MPIG6B: variants seen among roughly 807,000 people sequenced by gnomAD.
MPIG6B encodes the protein immunoglobulin receptor.
In MPIG6B, 22 loss-of-function variants were observed where a neutral mutation model predicts 24.2. The ratio of observed to expected loss-of-function variants is 0.91; its 90% CI spans 0.65 to 1.30. MPIG6B has a LOEUF of 1.30. Ranked by LOEUF, MPIG6B falls within the 50% of genes most tolerant of loss-of-function variation. The pLI is 0.00. For missense variants in MPIG6B, 301 were observed against 318.5 expected, an observed-to-expected ratio of 0.94 and a Z score of 0.42; for synonymous variants, 136 against 142.0, an observed-to-expected ratio of 0.96 and a Z score of 0.30.
chr6:31,724,426 T>G, intron 3 of MPIG6B, 161 bp from the exon 4 acceptor site: 2 of 776,656 alleles, frequency 2.6e-6, no homozygotes, highest in South Asian at 1.6e-5. Flanking sequence ...GAGCTGGAAG[T>G]GCAGCAGAGT....
intron 5 of MPIG6B, 42 bp from the exon 6 acceptor site, chr6:31,724,928 G>T (rs1384233146): frequency 2.8e-5 from 45 of 1,609,520 alleles, no homozygotes; most frequent in Non-Finnish European, 3.7e-5. Flanking sequence ...CCCCAAGGAA[G>T]ACTGTGGAGA....
intron 3 of MPIG6B, 23 bp downstream of exon 3, chr6:31,724,255 C>T (rs918712064): frequency 1.9e-6 from 3 of 1,584,370 alleles, no homozygotes; most frequent in Admixed American, 1.7e-5. Context: ...GACCCGGCCT[C>T]GTTAAATGGG....
At position 31,724,141 on chromosome 6, in the gene MPIG6B, G is replaced by A. The variant is rs753377838; in HGVS notation, c.410-1G>A. Reference sequence around the variant, plus strand: ...CCCTCCCCGCCACGCCTTTCCCCCAGGGTCCGTGTATCCCCAGCTCCTGAT... The same window carrying A: ...CCCTCCCCGCCACGCCTTTCCCCCAAGGTCCGTGTATCCCCAGCTCCTGAT... On this transcript the variant is annotated splice_acceptor_variant, in intron 2 of 5. Coordinates refer to ENST00000649779, the MANE Select transcript of MPIG6B (RefSeq NM_138272.3). LOFTEE classifies it high-confidence loss of function. 6.2e-6 allele frequency: 10 copies of A among 1,612,584 alleles called. No individual in the cohort carries two copies. The highest frequency in any genetic ancestry group is 8.5e-6 in the Non-Finnish European group (10 of 1,179,602).
chr6:31,723,482 G>T lies in MPIG6B; in HGVS notation c.61+38G>T. 6.3e-7 allele frequency: 1 copy of T among 1,592,488 alleles called. No individual in the cohort carries two copies. The highest frequency in any genetic ancestry group is 1.1e-5 in the South Asian group (1 of 90,552). On this transcript the variant is annotated intron_variant, in intron 1 of 5. Coordinates refer to ENST00000649779, the MANE Select transcript of MPIG6B (RefSeq NM_138272.3). This position sits in a 1 kb window ranked among gnomAD's most constrained non-coding sequence, Gnocchi z 4.3. ...TGGGAGAGTTGTGATAGACGCAGAG[G>T]GGCTGAAGCAAGATAAGGGCCGCCT...
At chr6:31,721,783 A>C, upstream of MPIG6B, 1 of 1,194,418 alleles carries the variant, frequency 8.4e-7, no homozygotes, top group Admixed American at 2.0e-5. Flanking sequence ...TATAAACCCA[A>C]AGGCTCCTCC....
upstream of MPIG6B, among the ~76,000 whole-genome samples, chr6:31,722,462 T>C (rs894442381): frequency 2.6e-5 from 4 of 152,050 alleles, no homozygotes; most frequent in Admixed American, 1.3e-4. Flanking sequence ...GTGCACCTGC[T>C]CCAAAGCACC....
rs150417881 is a variant in MPIG6B at position 31,724,618 on chromosome 6, C to T, written c.532C>T (p.Pro178Ser). 4,958 of 1,613,824 alleles carry T rather than the reference C, an allele frequency of 3.1e-3. 47 individuals carry two copies. Among genetic ancestry groups the T allele is most frequent in the South Asian group, 0.016 (1,466 of 91,076 alleles). ...RLPPQPIRPL[P>S]RFAPLVKTEP... ...GCCCCCGCAACCGATTCGACCACTC[C>T]CTAGATTTGGTGAGACTAATTCCAC... Residue 178 changes from proline to serine, a missense_variant, in exon 4 of 6, where the codon CCT (proline) becomes TCT (serine). Pro to Ser is a moderately conservative substitution (Grantham distance 74). Transcript: ENST00000649779.
Position 31,723,912 on chromosome 6 carries a change from A to G in MPIG6B, c.335A>G (p.His112Arg). ...GGCACTTTTTTCTGCAAGGGCCGCC[A>G]CGAGGACGAGAGCCGTACAGTGCTT... is the stretch of plus-strand genomic sequence containing the variant. ...DSGTFFCKGRHEDESRTVLHV... is the reference protein window; with the variant it reads ...DSGTFFCKGRREDESRTVLHV... Residue 112 changes from histidine to arginine, a missense_variant, in exon 2 of 6, where the codon CAC (histidine) becomes CGC (arginine). His to Arg is a conservative substitution (Grantham distance 29). Coordinates refer to ENST00000649779, the MANE Select transcript of MPIG6B (RefSeq NM_138272.3). This position sits in a 1 kb window ranked among gnomAD's most constrained non-coding sequence, Gnocchi z 4.3. The G allele has an allele frequency of 6.3e-7, 1 of 1,597,878 alleles. No homozygotes were observed. Among genetic ancestry groups the G allele is most frequent in the Non-Finnish European group, 8.5e-7 (1 of 1,171,850 alleles).
Position 31,724,630 on chromosome 6 carries a change from G to A in MPIG6B, c.541+3G>A. 1 of 1,613,552 alleles carries A rather than the reference G, an allele frequency of 6.2e-7. No homozygotes were observed. Among genetic ancestry groups the A allele is most frequent in the Non-Finnish European group, 8.5e-7 (1 of 1,179,468 alleles). On this transcript the variant is annotated splice_donor_region_variant and intron_variant, in intron 4 of 5. Transcript: ENST00000649779. ...GATTCGACCACTCCCTAGATTTGGT[G>A]AGACTAATTCCACCCCATTTTCTTT...
chr6:31,723,786 G>A lies in MPIG6B; in HGVS notation c.209G>A (p.Gly70Glu). Residue 70 changes from glycine to glutamate, a missense_variant, in exon 2 of 6, where the codon GGG becomes GAG. By Grantham distance (98) the Gly-to-Glu change is moderately conservative. Coordinates refer to ENST00000649779, the MANE Select transcript of MPIG6B (RefSeq NM_138272.3). The surrounding 1 kb of genome is among the most constrained non-coding windows in gnomAD (Gnocchi z 4.3). ...CCGATCCTGTGGGCCTCTTCGAGCG[G>A]GACCCCCACCGTGCCTCCCCTCCAG... The part of the protein sequence containing the change: ...RRPILWASSS[G>E]TPTVPPLQPF... 6.2e-7 allele frequency: 1 copy of A among 1,613,926 alleles called. No homozygotes were observed. Among genetic ancestry groups the A allele is most frequent in the Non-Finnish European group, 8.5e-7 (1 of 1,179,962 alleles).
Position 31,724,858 on chromosome 6 carries a change from G to C in MPIG6B, c.621+14G>C, listed in dbSNP as rs1807202024. 2 of 1,613,454 alleles carry C rather than the reference G, an allele frequency of 1.2e-6. No individual in the cohort carries two copies. Among genetic ancestry groups the C allele is most frequent in the Non-Finnish European group, 1.7e-6 (2 of 1,179,716 alleles). ...GACCAGGAACCGGTAAGGGCATGGGGATGGGAAGGGGATAGCCAGAATCTC... is the reference window on the plus strand; with the variant it reads ...GACCAGGAACCGGTAAGGGCATGGGCATGGGAAGGGGATAGCCAGAATCTC... On this transcript the variant is annotated intron_variant, in intron 5 of 5. Coordinates refer to ENST00000649779, the MANE Select transcript of MPIG6B (RefSeq NM_138272.3).
At chr6:31,722,000 C>A (rs576421188), upstream of MPIG6B, among the ~76,000 whole-genome samples, 1 of 152,284 alleles carries the variant, frequency 6.6e-6, no homozygotes, top group East Asian at 1.9e-4. Flanking sequence ...AGCTAAGAGT[C>A]CTGCTGCTCA....
At chr6:31,724,374 G>T in intron 3 of MPIG6B, 142 bp downstream of exon 3, 5 of 805,850 alleles carry the variant, frequency 6.2e-6, no homozygotes, top group Non-Finnish European at 1.0e-5. Context: ...AAAGGTGGGA[G>T]CGAGGCCGCT....
Position 31,726,513 on chromosome 6 carries a change from G to A in MPIG6B, c.*1439G>A, listed in dbSNP as rs1807376887. The A allele has an allele frequency of 6.6e-6, 1 of 152,064 alleles. No individual in the cohort carries two copies. 9.4% of individuals were successfully genotyped at this position (152,064 alleles called of 1,614,324 possible). A position where few individuals can be genotyped will look rare whatever the true frequency, so the allele number is the denominator to read the frequency against. ...CTTTTCTGGGAAGGTGACCCTCCTTGGCCACCCCTTGCATATACTTTGATG... is the reference window on the plus strand; with the variant it reads ...CTTTTCTGGGAAGGTGACCCTCCTTAGCCACCCCTTGCATATACTTTGATG... On this transcript the variant is annotated 3_prime_UTR_variant, in exon 6 of 6. Coordinates refer to ENST00000649779, the MANE Select transcript of MPIG6B (RefSeq NM_138272.3). This position sits in a 1 kb window ranked among gnomAD's most constrained non-coding sequence, Gnocchi z 5.1.
At chr6:31,721,022 C>T (rs4713479), upstream of MPIG6B, 10,477 of 152,358 alleles carry the variant, frequency 0.069, 596 homozygotes, top group African/African-American at 0.15. Context: ...CTCAAGAAAA[C>T]GCTCTGTTTC....
At chr6:31,723,273 C>T (rs1806945209), upstream of MPIG6B, 13 of 637,534 alleles carry the variant, frequency 2.0e-5, no homozygotes, top group Non-Finnish European at 3.6e-5. The surrounding 1 kb of genome is among the most constrained non-coding windows in gnomAD (Gnocchi z 4.3). Flanking sequence ...CCTCTCTTAT[C>T]GGAGCCCCCC....
chr6:31,724,600 C>G lies in MPIG6B; in HGVS notation c.514C>G (p.Gln172Glu), dbSNP rs772069487. ...TGTCCCTTACAGGCGCCTGCCCCCG[C>G]AACCGATTCGACCACTCCCTAGATT... The part of the protein sequence containing the change: ...VWWLHRRLPP[Q>E]PIRPLPRFAP... Residue 172 changes from glutamine (Q) to glutamate (E), a missense_variant, in exon 4 of 6, where the codon CAA (glutamine) becomes GAA (glutamate). Gln to Glu is a conservative substitution (Grantham distance 29, BLOSUM62 2). Coordinates refer to ENST00000649779, the MANE Select transcript of MPIG6B (RefSeq NM_138272.3). 90 of 1,613,962 alleles carry G rather than the reference C, an allele frequency of 5.6e-5. No homozygotes were observed. The highest frequency in any genetic ancestry group is 3.3e-4 in the Middle Eastern group (2 of 6,062).
rs1562172677 is a variant in MPIG6B at position 31,723,834 on chromosome 6, C to CTGGTAT, written c.257_258insTGGTAT (p.Ser86_Leu87insGlyIle). ...CAGCCTTTCGTCGGCCGCCTACGCT[C>CTGGTAT]CCTGGACTCTGGTATCCGGCGGCTG... On this transcript the variant is annotated inframe_insertion, in exon 2 of 6. Transcript: ENST00000649779. The surrounding 1 kb of genome is among the most constrained non-coding windows in gnomAD (Gnocchi z 4.3). The CTGGTAT allele has an allele frequency of 6.2e-7, 1 of 1,612,024 alleles. No homozygotes were observed. Among genetic ancestry groups the CTGGTAT allele is most frequent in the African/African-American group, 1.3e-5 (1 of 74,906 alleles).
In MPIG6B at chr6:31,724,802, G is replaced by T. The variant is rs202028572; in HGVS notation, c.579G>T (p.Lys193Asn). 10 of 1,613,998 alleles carry T rather than the reference G, an allele frequency of 6.2e-6. No homozygotes were observed. The highest frequency in any genetic ancestry group is 8.5e-6 in the Non-Finnish European group (10 of 1,180,044). ...LVKTEPQRPVKEEEPKIPGDL... is the reference protein window; with the variant it reads ...LVKTEPQRPVNEEEPKIPGDL... ...AAACCGAGCCCCAGAGGCCAGTAAA[G>T]GAGGAAGAGCCCAAGATTCCAGGGG... Residue 193 changes from lysine (K) to asparagine (N), a missense_variant, in exon 5 of 6, where the codon AAG (lysine) becomes AAT (asparagine). Lys to Asn is a moderately conservative substitution (Grantham distance 94). Coordinates refer to ENST00000649779, the MANE Select transcript of MPIG6B (RefSeq NM_138272.3).
Sources: gnomAD v4.1 joint callset for allele counts (sites outside exome capture counted in the v4.1 genomes callset) on GRCh38, gnomAD v4.1.1 for gene constraint, Gnocchi (gnomAD v3.1) non-coding constraint, MANE v1.5 for transcripts, NCBI Gene and HGNC (gene_info 2026-07-23, HGNC 2026-07-21) for gene names.